The following CA5A variants were observed in gnomAD, a reference collection of about 807,000 sequenced individuals.
CA5A encodes carbonic anhydrase 5A, also known as carbonic anhydrase 5A, mitochondrial.
CA5A carries 28 observed loss-of-function variants against 37.1 expected under a neutral mutation model. That is an observed-to-expected ratio of 0.75 (90% CI 0.56 to 1.03). CA5A has a LOEUF of 1.03. Ranked by LOEUF, CA5A falls within the 50% of genes least tolerant of loss-of-function variation. CA5A has a pLI of 0.00. For synonymous variants in CA5A, 171 were observed against 158.4 expected (o/e 1.08, Z -0.60); for missense variants, 444 against 399.9 (o/e 1.11, Z -0.94).
chr16:87,892,824 T>C, intron 5 of CA5A: 1 of 289,902 alleles, frequency 3.4e-6, no homozygotes, highest in Non-Finnish European at 6.4e-6. Context: ...CCCAGCTAAT[T>C]TTTGTATTTT....
chr16:87,895,225 C>T (rs978520555), intron 5 of CA5A, among the ~76,000 whole-genome samples: 5 of 151,880 alleles, frequency 3.3e-5, no homozygotes, highest in Admixed American at 6.6e-5. Context: ...ACTCTAGCCT[C>T]GGTGACGGAG....
chr16:87,886,090 T>C (rs530810921), downstream of CA5A: 1 of 150,140 alleles, frequency 6.7e-6, no homozygotes, highest in Admixed American at 6.7e-5. Flanking sequence ...GACAACATCA[T>C]GAAAGAGAGA....
At chr16:87,892,945 C>A in intron 5 of CA5A, 1 of 848,954 alleles carries the variant, frequency 1.2e-6, no homozygotes, top group East Asian at 2.6e-5. Context: ...CTGTGCCCGG[C>A]CTATGGGCTC....
downstream of CA5A, chr16:87,886,671 G>C (rs2055650730): frequency 6.6e-6 from 1 of 152,094 alleles, no homozygotes; most frequent in South Asian, 2.1e-4. Context: ...GGGCAACATA[G>C]TGAGACCCCA....
intron 5 of CA5A, among the ~76,000 whole-genome samples, chr16:87,892,728 C>T (rs1267043739): frequency 1.1e-4 from 16 of 142,120 alleles, no homozygotes; most frequent in African/African-American, 4.2e-4. Flanking sequence ...GGCTGGAGTG[C>T]AATGGTGTGA....
chr16:87,893,267 A>G (rs2055751519), intron 5 of CA5A, among the ~76,000 whole-genome samples: 2 of 151,672 alleles, frequency 1.3e-5, no homozygotes, highest in African/African-American at 4.8e-5. Flanking sequence ...AGCTGGGACT[A>G]CATCTTCACG....
intron 1 of CA5A, among the ~76,000 whole-genome samples, chr16:87,931,554 T>C (rs1157624485): frequency 1.3e-5 from 2 of 152,198 alleles, no homozygotes; most frequent in Admixed American, 6.6e-5. Context: ...AGTTTCTATA[T>C]CTGCAGGAAG....
chr16:87,914,457 C>T (rs1020693024), intron 2 of CA5A, among the ~76,000 whole-genome samples: 17 of 152,216 alleles, frequency 1.1e-4, no homozygotes, highest in African/African-American at 3.4e-4. Context: ...CCCAGCCCCA[C>T]GAGCTTGCAG....
intron 1 of CA5A, among the ~76,000 whole-genome samples, chr16:87,932,124 A>G (rs1452130367): frequency 6.6e-6 from 1 of 152,110 alleles, no homozygotes; most frequent in Admixed American, 6.5e-5. Flanking sequence ...AAGAAAAAAA[A>G]AAGCCCCTTT....
intron 2 of CA5A, among the ~76,000 whole-genome samples, chr16:87,910,007 T>A (rs8044549): frequency 6.6e-6 from 1 of 152,098 alleles, no homozygotes; most frequent in Non-Finnish European, 1.5e-5. Context: ...ACCCCCACCA[T>A]AGGACTGCTG....
At chr16:87,926,587 C>A (rs1482827718) in intron 2 of CA5A, among the ~76,000 whole-genome samples, 161 bp downstream of exon 2, 1 of 152,214 alleles carries the variant, frequency 6.6e-6, no homozygotes, top group African/African-American at 2.4e-5. Flanking sequence ...TTCACACCAT[C>A]CCCCAGGTGT....
chr16:87,908,412 C>G (rs1359580705), intron 2 of CA5A, among the ~76,000 whole-genome samples: 1 of 152,186 alleles, frequency 6.6e-6, no homozygotes, highest in African/African-American at 2.4e-5. Flanking sequence ...TTCAGGGGCT[C>G]CGCAGCTTCG....
At chr16:87,895,067 T>C (rs186013379) in intron 5 of CA5A, among the ~76,000 whole-genome samples, 11 of 151,790 alleles carry the variant, frequency 7.2e-5, no homozygotes, top group African/African-American at 2.4e-4. Flanking sequence ...CTAAGCAACA[T>C]AACGAGACCC....
intron 2 of CA5A, chr16:87,923,657 AC>A: frequency 1.0e-6 from 1 of 985,398 alleles, no homozygotes; most frequent in South Asian, 4.7e-5. Context: ...AGGGTCAGCC[AC>A]CAGACCCTTT....
intron 2 of CA5A, among the ~76,000 whole-genome samples, chr16:87,925,213 T>C (rs1203215783): frequency 6.6e-6 from 1 of 151,992 alleles, no homozygotes; most frequent in African/African-American, 2.4e-5. Flanking sequence ...GGTTTGATGA[T>C]TCCCCAGGAA....
intron 2 of CA5A, among the ~76,000 whole-genome samples, chr16:87,912,568 G>GCTCA (rs1216773577): frequency 6.6e-6 from 1 of 152,208 alleles, no homozygotes; most frequent in Non-Finnish European, 1.5e-5. Flanking sequence ...CGGGCACCAC[G>GCTCA]CTCAGTACAA....
chr16:87,931,569 A>G (rs2056406001), intron 1 of CA5A, among the ~76,000 whole-genome samples: 3 of 152,186 alleles, frequency 2.0e-5, no homozygotes, highest in South Asian at 4.1e-4. Flanking sequence ...AGGAAGGAGA[A>G]TAAGGGAGTA....
At chr16:87,928,798 T>A in intron 1 of CA5A, among the ~76,000 whole-genome samples, 1 of 123,944 alleles carries the variant, frequency 8.1e-6, no homozygotes, top group African/African-American at 3.0e-5. Context: ...AGACGGAGTC[T>A]CACTCGGTCG....
At chr16:87,929,882 A>AAAAAAT (rs2056377234) in intron 1 of CA5A, among the ~76,000 whole-genome samples, 1 of 151,414 alleles carries the variant, frequency 6.6e-6, no homozygotes, top group African/African-American at 2.4e-5. Context: ...AAAAAAAAAA[A>AAAAAAT]AAAAAAAAAA....
Sources: allele counts gnomAD v4.1 joint callset (sites outside exome capture counted in the v4.1 genomes callset), GRCh38; gene constraint gnomAD v4.1.1; transcripts MANE v1.5; gene names NCBI Gene and HGNC (gene_info 2026-07-23, HGNC 2026-07-21).